Variants in TESC observed in about 807,000 individuals in gnomAD.
TESC encodes calcineurin B homologous protein 3.
TESC carries 19 observed loss-of-function variants against 31.0 expected under a neutral mutation model. The ratio of observed to expected loss-of-function variants is 0.61; its 90% CI spans 0.43 to 0.90. The LOEUF (loss-of-function observed/expected upper bound fraction) is 0.90. Among genes scored for constraint, TESC ranks in the 40% least tolerant of loss-of-function variants. The pLI is 0.00. For missense variants in TESC, 248 were observed against 303.8 expected (o/e 0.82, Z 1.36); for synonymous variants, 109 against 114.8 (o/e 0.95, Z 0.32).
chr12:117,081,957 C>T (rs1305033522), intron 1 of TESC, among the ~76,000 whole-genome samples: 1 of 151,118 alleles, frequency 6.6e-6, no homozygotes, highest in Non-Finnish European at 1.5e-5. Context: ...GGTGTGGTGG[C>T]TTGTGGCTGT....
rs12298098 is a variant in TESC, at chr12:117,081,853, G to A, written c.59-6513C>T. Among the ~76,000 whole-genome samples the A allele has an allele frequency of 5.1e-3, 771 of 151,906 alleles. 6 individuals are homozygous for A. Among genetic ancestry groups the A allele is most frequent in the African/African-American group, 0.017 (712 of 41,406 alleles). Reference sequence around the variant, plus strand: ...TGGGAGGTGGAGGTTGCAGCGAGCCGAGATCGTGCCACTGCACTCCAGCCT... The same window carrying A: ...TGGGAGGTGGAGGTTGCAGCGAGCCAAGATCGTGCCACTGCACTCCAGCCT... On this transcript the variant is annotated intron_variant, in intron 1 of 7. Coordinates refer to ENST00000335209, the MANE Select transcript of TESC (RefSeq NM_017899.4).
At chr12:117,039,277 G>A (rs118025365) in intron 7 of TESC, 67 bp from the exon 8 acceptor site, 104,005 of 1,488,830 alleles carry the variant, frequency 0.07, 4,121 homozygotes, top group Non-Finnish European at 0.079. Context: ...CAGGCCCCCC[G>A]GTCCTCGGCC....
chr12:117,093,986 A>G (rs1426020890), intron 1 of TESC, among the ~76,000 whole-genome samples: 1 of 151,990 alleles, frequency 6.6e-6, no homozygotes, highest in Admixed American at 6.6e-5. Flanking sequence ...GTGAAGGACA[A>G]CTGACTCAGG....
chr12:117,076,913 G>C (rs191894004), intron 1 of TESC, among the ~76,000 whole-genome samples: 1 of 152,220 alleles, frequency 6.6e-6, no homozygotes, highest in African/African-American at 2.4e-5. Context: ...GGCACTCAAG[G>C]ACTTTAGGTC....
At chr12:117,095,601 G>C (rs553660637) in intron 1 of TESC, among the ~76,000 whole-genome samples, 3 of 152,320 alleles carry the variant, frequency 2.0e-5, no homozygotes, top group Admixed American at 2.0e-4. Context: ...CTTGGGGCCA[G>C]GCATGGTGGC....
At chr12:117,071,324 C>T (rs978386172) in intron 2 of TESC, among the ~76,000 whole-genome samples, 5 of 152,202 alleles carry the variant, frequency 3.3e-5, no homozygotes, top group African/African-American at 1.2e-4. Flanking sequence ...AGGAAAAAGG[C>T]AATCAGTTCC....
At chr12:117,040,348 G>A (rs1001760494) in intron 7 of TESC, among the ~76,000 whole-genome samples, 3 of 152,222 alleles carry the variant, frequency 2.0e-5, no homozygotes, top group Non-Finnish European at 4.4e-5. Context: ...GGTCGCTGAG[G>A]GCATTGGAAG....
chr12:117,075,923 G>GTATATATA (rs1214809145), intron 1 of TESC, among the ~76,000 whole-genome samples: 14 of 68,698 alleles, frequency 2.0e-4, no homozygotes, highest in African/African-American at 1.0e-3. Context: ...ATGTGTGTGT[G>GTATATATA]TATATATATA....
intron 2 of TESC, among the ~76,000 whole-genome samples, chr12:117,065,302 G>C (rs1443305595): frequency 6.6e-6 from 1 of 152,198 alleles, no homozygotes; most frequent in East Asian, 1.9e-4. Context: ...TGGGGGAGCA[G>C]AGGAAGAAGG....
At chr12:117,096,861 C>T (rs189301256) in intron 1 of TESC, among the ~76,000 whole-genome samples, 57 of 152,314 alleles carry the variant, frequency 3.7e-4, no homozygotes, top group African/African-American at 1.3e-3. Flanking sequence ...CTGCATTCGA[C>T]GTCCCCTCGG....
intron 1 of TESC, among the ~76,000 whole-genome samples, chr12:117,081,930 T>C (rs1371946833): frequency 6.8e-6 from 1 of 147,304 alleles, no homozygotes; most frequent in African/African-American, 2.5e-5. Context: ...AGAAAAGAAG[T>C]TGGGGGAAAT....
intron 2 of TESC, among the ~76,000 whole-genome samples, chr12:117,059,474 G>C (rs1954772757): frequency 6.6e-6 from 1 of 152,196 alleles, no homozygotes; most frequent in African/African-American, 2.4e-5. Flanking sequence ...AGGTAGACTC[G>C]GGACAGCTGG....
chr12:117,078,807 T>C (rs936520091), intron 1 of TESC, among the ~76,000 whole-genome samples: 105 of 152,340 alleles, frequency 6.9e-4, no homozygotes, highest in Non-Finnish European at 1.3e-3. Context: ...TTTTGGTTCA[T>C]CTATATTTTC....
Position 117,043,653 on chromosome 12 carries a change from CA to C in TESC, c.520-1660del, listed in dbSNP as rs561266780. On this transcript the variant is annotated intron_variant, in intron 6 of 7. Transcript: ENST00000335209. Reference sequence around the variant, plus strand: ...AATTTTTTAAATTTTTTAGCAGAGACAGGGGTTTCACCATGTTAGCCAGGCT... The same window carrying C: ...AATTTTTTAAATTTTTTAGCAGAGACGGGGTTTCACCATGTTAGCCAGGCT... 4.6e-5 allele frequency among the ~76,000 whole-genome samples: 7 copies of C among 152,202 alleles called. No individual in the cohort carries two copies. In the South Asian group the frequency reaches 1.5e-3, roughly 32 times the overall value.
At chr12:117,056,745 C>A in intron 3 of TESC, 61 bp downstream of exon 3, 1 of 1,548,322 alleles carries the variant, frequency 6.5e-7, no homozygotes, top group South Asian at 1.1e-5. Context: ...AACAAGTATC[C>A]CGAGATGTTA....
intron 2 of TESC, among the ~76,000 whole-genome samples, chr12:117,064,293 T>C (rs1364223884): frequency 6.6e-6 from 1 of 152,244 alleles, no homozygotes; most frequent in Non-Finnish European, 1.5e-5. Flanking sequence ...GCACCTGGAA[T>C]TGTGCAAATG....
chr12:117,070,401 T>C (rs1231019884), intron 2 of TESC, among the ~76,000 whole-genome samples: 1 of 152,148 alleles, frequency 6.6e-6, no homozygotes, highest in Admixed American at 6.5e-5. Context: ...TAAGAAGCTG[T>C]GGTCAGTCAC....
rs570658071 is a variant in TESC at position 117,046,974 on chromosome 12, G to A, written c.350-136C>T. On this transcript the variant is annotated intron_variant, in intron 4 of 7. Transcript: ENST00000335209. ...CAAAGCCAGAGGGGTCAGGGCATGA[G>A]CTGTGGGACCAGACTGACTACTTCC... 27 of 929,622 alleles carry A rather than the reference G, an allele frequency of 2.9e-5. No homozygotes were observed. The South Asian group carries it at 3.7e-4, about 13-fold the overall frequency. 57.6% of individuals were successfully genotyped at this position (929,622 alleles called of 1,614,324 possible).
At chr12:117,075,125 G>A (rs564146674) in intron 2 of TESC, 146 bp downstream of exon 2, 27 of 794,240 alleles carry the variant, frequency 3.4e-5, no homozygotes, top group African/African-American at 1.2e-4. Context: ...CAGCCTGGGC[G>A]ACGGAGCGAG....
Sources: allele counts gnomAD v4.1 joint callset (sites outside exome capture counted in the v4.1 genomes callset), GRCh38; gene constraint gnomAD v4.1.1; transcripts MANE v1.5; gene names NCBI Gene and HGNC (gene_info 2026-07-23, HGNC 2026-07-21).